The following P2RY8 variants were observed in gnomAD, a reference collection of about 807,000 sequenced individuals.
P2RY8 encodes P2Y receptor family member 8.
A neutral mutation model predicts 10.0 loss-of-function variants in P2RY8; 6 were observed. That is an observed-to-expected ratio of 0.60 (90% confidence interval 0.33 to 1.19). The LOEUF (loss-of-function observed/expected upper bound fraction) is 1.19, where lower values mean the gene tolerates loss of function less well. P2RY8 is among the 50% of genes most tolerant of loss of function. P2RY8 has a pLI of 0.04. For synonymous variants in P2RY8, 276 were observed against 252.5 expected (o/e 1.09, Z -0.88); for missense variants, 456 against 542.0 (o/e 0.84, Z 1.58).
At chrX:1,499,356 G>T (rs1237842804) in intron 1 of P2RY8, among the ~76,000 whole-genome samples, 1 of 151,700 alleles carries the variant, frequency 6.6e-6, no homozygotes, top group East Asian at 1.9e-4. Context: ...AGTAGAGACG[G>T]GGTTTCACCA....
At chrX:1,473,411 G>A (rs1441300864) in intron 1 of P2RY8, among the ~76,000 whole-genome samples, 1 of 148,892 alleles carries the variant, frequency 6.7e-6, no homozygotes, top group Non-Finnish European at 1.5e-5. Flanking sequence ...ATGGATCAGT[G>A]TTTAGATAGA....
At chrX:1,506,898 G>A (rs1465007637) in intron 1 of P2RY8, among the ~76,000 whole-genome samples, 5 of 151,768 alleles carry the variant, frequency 3.3e-5, no homozygotes, top group Non-Finnish European at 5.9e-5. Flanking sequence ...GGATGGTCTC[G>A]ATCTCCTGAC....
intron 1 of P2RY8, among the ~76,000 whole-genome samples, chrX:1,511,657 T>G: frequency 6.6e-6 from 1 of 152,126 alleles, no homozygotes; most frequent in South Asian, 2.1e-4. Flanking sequence ...AGCACTGGGG[T>G]GAAAGACAGG....
At chrX:1,475,647 A>T (rs1422374529) in intron 1 of P2RY8, among the ~76,000 whole-genome samples, 3 of 152,120 alleles carry the variant, frequency 2.0e-5, no homozygotes, top group African/African-American at 7.2e-5. Flanking sequence ...AAGAACCTTA[A>T]AAGAAAGATA....
chrX:1,464,791 T>C lies in P2RY8; in HGVS notation c.*688A>G, dbSNP rs1275116484. The C allele has an allele frequency of 2.3e-4, 54 of 232,334 alleles. No individual in the cohort carries two copies. Among genetic ancestry groups the C allele is most frequent in the Non-Finnish European group, 4.3e-4 (51 of 117,898 alleles). The allele number at this position is 232,334 out of a possible 1,614,324, so 14.4% of individuals were successfully genotyped here. On this transcript the variant is annotated 3_prime_UTR_variant, in exon 2 of 2. Coordinates refer to ENST00000381297, the MANE Select transcript of P2RY8 (RefSeq NM_178129.5). ...CCTTGGTCAGCAACAGGGTGGGGTG[T>C]GTGTGTGGGGGGAAGTGGGCACGGA...
chrX:1,483,424 T>G (rs376119826), intron 1 of P2RY8, among the ~76,000 whole-genome samples: 1 of 152,064 alleles, frequency 6.6e-6, no homozygotes, highest in East Asian at 1.9e-4. Flanking sequence ...CACCTGAGGC[T>G]GGGAGTTCGA....
intron 1 of P2RY8, among the ~76,000 whole-genome samples, chrX:1,492,755 G>T (rs1266972073): frequency 6.6e-6 from 1 of 152,106 alleles, no homozygotes; most frequent in African/African-American, 2.4e-5. Flanking sequence ...GGACAGAATT[G>T]TCCTAGTTCC....
At chrX:1,506,455 C>T (rs1189539230) in intron 1 of P2RY8, among the ~76,000 whole-genome samples, 1 of 133,684 alleles carries the variant, frequency 7.5e-6, no homozygotes, top group Non-Finnish European at 1.5e-5. Context: ...TGAGAGAAGA[C>T]TGCCTCTTTG....
At chrX:1,480,905 GA>G (rs200171198) in intron 1 of P2RY8, among the ~76,000 whole-genome samples, 10,399 of 148,066 alleles carry the variant, frequency 0.07, 879 homozygotes, top group African/African-American at 0.21. Flanking sequence ...TCAACCACTG[GA>G]AAAAAAAAAA....
At chrX:1,477,023 T>C (rs1386819553) in intron 1 of P2RY8, among the ~76,000 whole-genome samples, 6 of 151,860 alleles carry the variant, frequency 4.0e-5, no homozygotes, top group African/African-American at 1.5e-4. Flanking sequence ...GCCCCGTCTC[T>C]ACTCAAAATA....
intron 1 of P2RY8, among the ~76,000 whole-genome samples, chrX:1,493,369 G>GGAA (rs2092076160): frequency 1.6e-5 from 1 of 61,980 alleles, no homozygotes; most frequent in African/African-American, 5.9e-5. Flanking sequence ...GGGAGGGGGA[G>GGAA]GGAGGAAGGA....
intron 1 of P2RY8, among the ~76,000 whole-genome samples, chrX:1,535,346 C>G (rs1205964499): frequency 1.3e-5 from 2 of 151,536 alleles, no homozygotes; most frequent in African/African-American, 4.9e-5. Flanking sequence ...CGCCGCCACA[C>G]TCGGCTAATT....
intron 1 of P2RY8, among the ~76,000 whole-genome samples, chrX:1,536,008 G>A (rs1277177800): frequency 2.0e-5 from 3 of 152,228 alleles, no homozygotes; most frequent in South Asian, 2.1e-4. Context: ...AGGGGGTGAC[G>A]AGGGGCCACC....
rs1198560543 is a variant in P2RY8 at position 1,537,152 on chromosome X, G to T, written c.-256C>A. The T allele has an allele frequency of 3.9e-5, 9 of 232,670 alleles. No homozygotes were observed. The highest frequency in any genetic ancestry group is 6.6e-5 in the African/African-American group (3 of 45,292). 14.4% of individuals were successfully genotyped at this position (232,670 alleles called of 1,614,324 possible). A position where few individuals can be genotyped will look rare whatever the true frequency, so the allele number is the denominator to read the frequency against. On this transcript the variant is annotated 5_prime_UTR_variant, in exon 1 of 2. Coordinates refer to ENST00000381297, the MANE Select transcript of P2RY8 (RefSeq NM_178129.5). ...CCTTGCAAAGGCGGCCGCTTCGCTG[G>T]GTGGCCCACCGGCTGGCACGACTGT...
At chrX:1,513,041 G>T (rs2092311254) in intron 1 of P2RY8, among the ~76,000 whole-genome samples, 1 of 134,770 alleles carries the variant, frequency 7.4e-6, no homozygotes, top group Non-Finnish European at 1.5e-5. Flanking sequence ...CCCCCAACAG[G>T]CCCCGGTGTG....
At chrX:1,501,229 T>C (rs2092175730) in intron 1 of P2RY8, among the ~76,000 whole-genome samples, 1 of 152,160 alleles carries the variant, frequency 6.6e-6, no homozygotes, top group South Asian at 2.1e-4. Context: ...ATCTGAATGT[T>C]TTCGGTCCGA....
intron 1 of P2RY8, among the ~76,000 whole-genome samples, chrX:1,482,471 G>A (rs1300610187): frequency 7.2e-5 from 11 of 152,048 alleles, no homozygotes; most frequent in Non-Finnish European, 1.0e-4. Flanking sequence ...AGAGAGAGGT[G>A]ACAGGAAGGT....
chrX:1,474,471 A>T (rs1467616724), intron 1 of P2RY8, among the ~76,000 whole-genome samples: 1 of 106,026 alleles, frequency 9.4e-6, no homozygotes, highest in East Asian at 2.9e-4. Context: ...GGGTGAATGG[A>T]TGTATGATGA....
At chrX:1,508,474 C>T (rs2092254817) in intron 1 of P2RY8, among the ~76,000 whole-genome samples, 2 of 152,150 alleles carry the variant, frequency 1.3e-5, no homozygotes, top group South Asian at 2.1e-4. Flanking sequence ...AGAAACTCCA[C>T]ATATCGGTTA....
Sources: allele counts gnomAD v4.1 joint callset (sites outside exome capture counted in the v4.1 genomes callset), GRCh38; gene constraint gnomAD v4.1.1; transcripts MANE v1.5; gene names NCBI Gene and HGNC (gene_info 2026-07-23, HGNC 2026-07-21).